Variants in HEPACAM2 observed in about 807,000 individuals in gnomAD.
HEPACAM2 encodes mitotic kinetics regulator.
HEPACAM2 carries 49 observed loss-of-function variants against 49.6 expected under a neutral mutation model. The observed-to-expected ratio is 0.99, with a 90% CI of 0.78 to 1.25. The LOEUF is 1.25. Ranked by LOEUF, HEPACAM2 falls within the 50% of genes most tolerant of loss-of-function variation. The probability of loss-of-function intolerance (pLI) is 0.00; values close to 1 mark genes in which losing one functional copy is unlikely to be tolerated. For missense variants in HEPACAM2, 525 were observed against 557.2 expected, an observed-to-expected ratio of 0.94 and a Z score of 0.58; for synonymous variants, 197 against 202.9, an observed-to-expected ratio of 0.97 and a Z score of 0.25.
At chr7:93,204,383 G>C (rs531672952) in intron 4 of HEPACAM2, among the ~76,000 whole-genome samples, 1 of 151,310 alleles carries the variant, frequency 6.6e-6, no homozygotes, top group Non-Finnish European at 1.5e-5. Flanking sequence ...TCATCTCTCT[G>C]TCTGTCTGTC....
intron 8 of HEPACAM2, 79 bp from the exon 9 acceptor site, chr7:93,192,442 C>A: frequency 2.0e-6 from 2 of 1,002,766 alleles, no homozygotes; most frequent in Non-Finnish European, 3.1e-6. Flanking sequence ...TAGTTGAAAA[C>A]AACTGGCAGT....
intron 3 of HEPACAM2, among the ~76,000 whole-genome samples, chr7:93,213,160 A>C (rs373087841): frequency 8.3e-4 from 126 of 151,874 alleles, no homozygotes; most frequent in African/African-American, 2.9e-3. Context: ...TATCACTTAG[A>C]GCTCTCCACT....
At chr7:93,226,096 C>A (rs1441375687) in intron 1 of HEPACAM2, 12 of 536,196 alleles carry the variant, frequency 2.2e-5, no homozygotes, top group Non-Finnish European at 3.3e-5. Flanking sequence ...AGAAGAAATT[C>A]ATTATCTTTT....
At chr7:93,204,547 AT>A (rs1357371332) in intron 4 of HEPACAM2, among the ~76,000 whole-genome samples, 1 of 152,154 alleles carries the variant, frequency 6.6e-6, no homozygotes. Context: ...TTTTCTTGAA[AT>A]GTTATCATAG....
At chr7:93,198,020 GATGGT>G (rs1793781024) in intron 4 of HEPACAM2, among the ~76,000 whole-genome samples, 1 of 151,902 alleles carries the variant, frequency 6.6e-6, no homozygotes, top group African/African-American at 2.4e-5. Context: ...TTTCTAGGGA[GATGGT>G]ATGTGATTAA....
At chr7:93,208,445 G>A (rs1794084104) in intron 4 of HEPACAM2, 135 bp downstream of exon 4, 1 of 763,134 alleles carries the variant, frequency 1.3e-6, no homozygotes, top group Non-Finnish European at 2.0e-6. Context: ...AGTTAACTTT[G>A]GAAAGAGAGA....
chr7:93,213,121 G>A (rs369971023), intron 3 of HEPACAM2, among the ~76,000 whole-genome samples: 2 of 152,006 alleles, frequency 1.3e-5, no homozygotes, highest in African/African-American at 2.4e-5. Flanking sequence ...AGTATTTACT[G>A]TGAATGACCT....
intron 1 of HEPACAM2, among the ~76,000 whole-genome samples, chr7:93,225,422 A>C (rs2116732056): frequency 6.6e-6 from 1 of 152,266 alleles, no homozygotes; most frequent in South Asian, 2.1e-4. Context: ...GTACAACAGT[A>C]GGTATGAATT....
At chr7:93,197,654 G>C in intron 4 of HEPACAM2, 44 bp from the exon 5 acceptor site, 1 of 1,424,540 alleles carries the variant, frequency 7.0e-7, no homozygotes, top group Non-Finnish European at 9.5e-7. Context: ...AATTGCTACA[G>C]TATATAACTT....
chr7:93,188,813 G>A lies in HEPACAM2; in HGVS notation c.*454C>T. The A allele has an allele frequency of 2.6e-6, 1 of 386,746 alleles. No homozygotes were observed. The highest frequency in any genetic ancestry group is 3.6e-5 in the East Asian group (1 of 27,490). The allele number at this position is 386,746 out of a possible 1,614,324, so 24.0% of individuals were successfully genotyped here. A position where few individuals can be genotyped will look rare whatever the true frequency, so the allele number is the denominator to read the frequency against. On this transcript the variant is annotated 3_prime_UTR_variant, in exon 10 of 10. Coordinates refer to ENST00000394468, the MANE Select transcript of HEPACAM2 (RefSeq NM_001039372.4). ...GAAATAAAATTGAAACATAAATTTA[G>A]CATTCTTAACACTAATAAAAATTTA...
chr7:93,209,270 A>T (rs984337611), intron 3 of HEPACAM2, among the ~76,000 whole-genome samples: 2 of 151,910 alleles, frequency 1.3e-5, no homozygotes, highest in East Asian at 3.9e-4. Context: ...TTATATGCTG[A>T]TTTATTTTAT....
intron 8 of HEPACAM2, among the ~76,000 whole-genome samples, chr7:93,194,409 C>T (rs888606580): frequency 6.6e-6 from 1 of 152,114 alleles, no homozygotes; most frequent in Non-Finnish European, 1.5e-5. Flanking sequence ...TTTCTACCAT[C>T]GTGAGAAGCT....
chr7:93,213,726 T>C (rs1754840379), intron 3 of HEPACAM2, among the ~76,000 whole-genome samples: 2 of 152,028 alleles, frequency 1.3e-5, no homozygotes, highest in African/African-American at 4.8e-5. Flanking sequence ...AAGGAAAATA[T>C]AAAGCAGTGA....
chr7:93,189,369 A>G lies in HEPACAM2; in HGVS notation c.1386-99T>C, dbSNP rs912965804. 5 of 714,722 alleles carry G rather than the reference A, an allele frequency of 7.0e-6. No homozygotes were observed. The African/African-American group carries it at 9.1e-5, about 13-fold the overall frequency. 44.3% of individuals were successfully genotyped at this position (714,722 alleles called of 1,614,324 possible). A position where few individuals can be genotyped will look rare whatever the true frequency, so the allele number is the denominator to read the frequency against. On this transcript the variant is annotated intron_variant, in intron 9 of 9. Transcript: ENST00000394468. Reference sequence around the variant, plus strand: ...TTCTTTTATTGCTTTCCAGGGCTACAGATTAGAAGAATGTTTGGAGCTAGC... The same window carrying G: ...TTCTTTTATTGCTTTCCAGGGCTACGGATTAGAAGAATGTTTGGAGCTAGC...
chr7:93,201,981 A>G (rs1394576809), intron 4 of HEPACAM2, among the ~76,000 whole-genome samples: 1 of 150,420 alleles, frequency 6.6e-6, no homozygotes, highest in Non-Finnish European at 1.5e-5. Context: ...ATAAAGGCAA[A>G]TAGAATGCTC....
At chr7:93,227,206 C>G (rs1026342900), upstream of HEPACAM2, among the ~76,000 whole-genome samples, 2 of 152,162 alleles carry the variant, frequency 1.3e-5, no homozygotes, top group East Asian at 3.8e-4. Context: ...AAGATCTTAC[C>G]TCTACTGCAG....
At chr7:93,196,666 G>T in intron 7 of HEPACAM2, among the ~76,000 whole-genome samples, 1 of 152,112 alleles carries the variant, frequency 6.6e-6, no homozygotes, top group Middle Eastern at 3.2e-3. Context: ...TTCCTAAGGT[G>T]ACATGAGGGG....
At chr7:93,197,033 G>T (rs1239529635) in intron 7 of HEPACAM2, among the ~76,000 whole-genome samples, 2 of 152,040 alleles carry the variant, frequency 1.3e-5, no homozygotes, top group African/African-American at 2.4e-5. Flanking sequence ...GTGCTTCCAG[G>T]CCTGATATTA....
chr7:93,189,240 C>A lies in HEPACAM2; in HGVS notation c.*27G>T. 6.3e-7 allele frequency: 1 copy of A among 1,580,426 alleles called. No homozygotes were observed. Among genetic ancestry groups the A allele is most frequent in the African/African-American group, 1.4e-5 (1 of 73,962 alleles). On this transcript the variant is annotated 3_prime_UTR_variant, in exon 10 of 10. Coordinates refer to ENST00000394468, the MANE Select transcript of HEPACAM2 (RefSeq NM_001039372.4). ...TAAAATGTTTCTTCAGAATTTCACT[C>A]GAATGTACTGTTTAGCCCATGAAAG... is the stretch of plus-strand genomic sequence containing the variant.
Sources: gnomAD v4.1 joint callset for allele counts (sites outside exome capture counted in the v4.1 genomes callset) on GRCh38, gnomAD v4.1.1 for gene constraint, MANE v1.5 for transcripts, NCBI Gene and HGNC (gene_info 2026-07-23, HGNC 2026-07-21) for gene names.